Variants in ZBTB8OS observed in about 807,000 individuals in gnomAD.
ZBTB8OS encodes the protein tRNA-splicing ligase-activating factor archease.
In ZBTB8OS, 16 loss-of-function variants were observed where a neutral mutation model predicts 29.3. The observed-to-expected ratio is 0.55, with a 90% CI of 0.37 to 0.83. The LOEUF is 0.83. Among genes scored for constraint, ZBTB8OS ranks in the 40% least tolerant of loss-of-function variants. The pLI, the probability that ZBTB8OS is intolerant of heterozygous loss-of-function variation, is 0.00. For synonymous variants in ZBTB8OS, 70 were observed against 64.6 expected, an observed-to-expected ratio of 1.08 and a Z score of -0.40; for missense variants, 160 against 196.9, an observed-to-expected ratio of 0.81 and a Z score of 1.12.
At chr1:32,643,263 G>C (rs1398390887) in intron 1 of ZBTB8OS, among the ~76,000 whole-genome samples, 1 of 151,432 alleles carries the variant, frequency 6.6e-6, no homozygotes, top group Non-Finnish European at 1.5e-5. Context: ...GTAGAGACGG[G>C]GGTTTCTCCA....
intron 6 of ZBTB8OS, 63 bp downstream of exon 6, chr1:32,627,445 C>T: frequency 1.4e-6 from 2 of 1,446,604 alleles, no homozygotes; most frequent in East Asian, 4.5e-5. Context: ...TTGATTGTCA[C>T]ATATATGAAC....
At chr1:32,644,743 C>G (rs1389704980) in intron 1 of ZBTB8OS, among the ~76,000 whole-genome samples, 1 of 135,580 alleles carries the variant, frequency 7.4e-6, no homozygotes, top group East Asian at 2.2e-4. Flanking sequence ...ATGTGTTTCA[C>G]TGTGTTGCCC....
rs1277970341 is a variant in ZBTB8OS, at chr1:32,649,036, G to A, written c.97+1397C>T. ...GGCTGGAGTGCAGTGGTGTGATCTC[G>A]GCTCACTGCAGCCTCCACCCTCCTG... On this transcript the variant is annotated intron_variant, in intron 1 of 6. Transcript: ENST00000468695. Among the ~76,000 whole-genome samples the A allele has an allele frequency of 2.9e-5, 4 of 139,494 alleles. No individual in the cohort carries two copies. In the East Asian group the frequency reaches 6.3e-4, roughly 22 times the overall value. The allele number at this position is 139,494 out of a possible 152,430, so 91.5% of individuals were successfully genotyped here.
Position 32,621,057 on chromosome 1 carries a change from T to C in ZBTB8OS, c.*805A>G, listed in dbSNP as rs1319403821. On this transcript the variant is annotated 3_prime_UTR_variant, in exon 7 of 7. Transcript: ENST00000468695. ...AACCAACTGGAATACAGGATAGCTCTGTCCTATAGCAACCTAAACCAGCAC... is the reference window on the plus strand; with the variant it reads ...AACCAACTGGAATACAGGATAGCTCCGTCCTATAGCAACCTAAACCAGCAC... 1 of 152,234 alleles carries C rather than the reference T, an allele frequency of 6.6e-6. No homozygotes were observed. Among genetic ancestry groups the C allele is most frequent in the African/African-American group, 2.4e-5 (1 of 41,454 alleles). The allele number at this position is 152,234 out of a possible 1,614,324, so 9.4% of individuals were successfully genotyped here.
At chr1:32,624,149 C>A (rs1457435721) in intron 6 of ZBTB8OS, among the ~76,000 whole-genome samples, 1 of 152,186 alleles carries the variant, frequency 6.6e-6, no homozygotes, top group Non-Finnish European at 1.5e-5. Flanking sequence ...ATCAATTAAG[C>A]CCCTTTCCTT....
chr1:32,644,312 T>C (rs1240473962), intron 1 of ZBTB8OS, among the ~76,000 whole-genome samples: 1 of 151,988 alleles, frequency 6.6e-6, no homozygotes, highest in Non-Finnish European at 1.5e-5. Flanking sequence ...GTTAAGTCCT[T>C]GAGGAAGGGG....
chr1:32,638,286 A>G (rs1357770119), intron 1 of ZBTB8OS, among the ~76,000 whole-genome samples: 1 of 123,482 alleles, frequency 8.1e-6, no homozygotes, highest in Non-Finnish European at 1.6e-5. Context: ...TCCACCTCCC[A>G]GGTTCAAGTG....
At chr1:32,628,058 T>G (rs2148328465) in intron 5 of ZBTB8OS, among the ~76,000 whole-genome samples, 1 of 147,700 alleles carries the variant, frequency 6.8e-6, no homozygotes, top group Admixed American at 6.8e-5. Context: ...GAATTTTTAA[T>G]TATAGGCCAG....
chr1:32,623,857 T>A (rs1182906350), intron 6 of ZBTB8OS, among the ~76,000 whole-genome samples: 1 of 152,184 alleles, frequency 6.6e-6, no homozygotes, highest in Non-Finnish European at 1.5e-5. Flanking sequence ...TTTGGCTGTG[T>A]CCCCACCCAA....
chr1:32,638,758 G>GA (rs1158239144), intron 1 of ZBTB8OS, among the ~76,000 whole-genome samples: 1 of 148,716 alleles, frequency 6.7e-6, no homozygotes, highest in Non-Finnish European at 1.5e-5. Flanking sequence ...ACTGAAAATA[G>GA]AAAAAATTAG....
intron 6 of ZBTB8OS, among the ~76,000 whole-genome samples, chr1:32,622,588 G>A (rs929532084): frequency 6.6e-6 from 1 of 151,978 alleles, no homozygotes; most frequent in Non-Finnish European, 1.5e-5. Context: ...GGGAGGGTGA[G>A]GATTGAAAAA....
At chr1:32,649,078 C>CT (rs1251981888) in intron 1 of ZBTB8OS, among the ~76,000 whole-genome samples, 2 of 149,240 alleles carry the variant, frequency 1.3e-5, no homozygotes, top group Non-Finnish European at 3.0e-5. Flanking sequence ...AGCAATTCTC[C>CT]TGCCTCAGCC....
Position 32,644,791 on chromosome 1 carries a change from G to A in ZBTB8OS, c.97+5642C>T, listed in dbSNP as rs188103082. Among the ~76,000 whole-genome samples, 384 of 144,822 alleles carry A rather than the reference G, an allele frequency of 2.7e-3. 1 individual carries two copies. The highest frequency in any genetic ancestry group is 9.4e-3 in the African/African-American group (367 of 39,014). On this transcript the variant is annotated intron_variant, in intron 1 of 6. Coordinates refer to ENST00000468695, the MANE Select transcript of ZBTB8OS (RefSeq NM_178547.5). ...AAATCCTGGGTTCAAGAAATCCTCC[G>A]GCTTAGGCCTCCCAAAGTGTTAGGA...
chr1:32,641,778 G>A (rs374184424), intron 1 of ZBTB8OS, among the ~76,000 whole-genome samples: 20 of 151,428 alleles, frequency 1.3e-4, no homozygotes, highest in Admixed American at 7.9e-4. Flanking sequence ...AAAATTAGCC[G>A]GGCATGGTGG....
intron 2 of ZBTB8OS, 148 bp downstream of exon 2, chr1:32,634,620 G>T: frequency 9.6e-7 from 1 of 1,036,810 alleles, no homozygotes. Flanking sequence ...ACTGAACCCT[G>T]CAAAACTGAG....
intron 6 of ZBTB8OS, among the ~76,000 whole-genome samples, chr1:32,622,716 A>T (rs1235023962): frequency 6.6e-6 from 1 of 152,034 alleles, no homozygotes; most frequent in Non-Finnish European, 1.5e-5. Context: ...GAACCTAAAA[A>T]TAAAAGTTGG....
At chr1:32,624,984 G>C (rs1645007651) in intron 6 of ZBTB8OS, among the ~76,000 whole-genome samples, 1 of 151,932 alleles carries the variant, frequency 6.6e-6, no homozygotes, top group South Asian at 2.1e-4. Context: ...AGCACTTTGG[G>C]AGGCCAAGGT....
chr1:32,646,232 T>C (rs1475248267), intron 1 of ZBTB8OS, among the ~76,000 whole-genome samples: 1 of 151,600 alleles, frequency 6.6e-6, no homozygotes, highest in Non-Finnish European at 1.5e-5. Context: ...GGTTGGAGGA[T>C]CACTTGAGTC....
Sources: gnomAD v4.1 joint callset for allele counts (sites outside exome capture counted in the v4.1 genomes callset) on GRCh38, gnomAD v4.1.1 for gene constraint, MANE v1.5 for transcripts, NCBI Gene and HGNC (gene_info 2026-07-23, HGNC 2026-07-21) for gene names.